DPP10: variants seen among roughly 807,000 people sequenced by gnomAD.
The protein encoded by DPP10 is dipeptidyl peptidase like 10, also known as inactive dipeptidyl peptidase 10.
DPP10 carries 33 observed loss-of-function variants against 120.9 expected under a neutral mutation model. The ratio of observed to expected loss-of-function variants is 0.27; its 90% CI spans 0.21 to 0.37. The LOEUF (loss-of-function observed/expected upper bound fraction) is 0.37, where lower values mean the gene tolerates loss of function less well. DPP10 is among the 10% of genes least tolerant of loss of function. DPP10 has a pLI of 1.00. For synonymous variants in DPP10, 337 were observed against 326.1 expected (o/e 1.03, Z -0.36); for missense variants, 816 against 942.8 (o/e 0.87, Z 1.76).
At chr2:114,448,543 T>G (rs1290423277) in intron 1 of DPP10, among the ~76,000 whole-genome samples, 4 of 152,122 alleles carry the variant, frequency 2.6e-5, no homozygotes, top group Non-Finnish European at 5.9e-5. Flanking sequence ...AAATGCAAAT[T>G]CTTGGACTCT....
At chr2:114,770,032 A>G (rs1373343089) in intron 1 of DPP10, among the ~76,000 whole-genome samples, 2 of 152,208 alleles carry the variant, frequency 1.3e-5, no homozygotes, top group Non-Finnish European at 2.9e-5. Context: ...AACATGAACA[A>G]AGCCTAATCC....
At chr2:115,011,666 C>T (rs1368668115) in intron 1 of DPP10, among the ~76,000 whole-genome samples, 3 of 152,020 alleles carry the variant, frequency 2.0e-5, no homozygotes, top group Non-Finnish European at 1.5e-5. Flanking sequence ...AGATAGGAGA[C>T]AGGACTAGCC....
chr2:114,995,919 A>C (rs1322214080), intron 1 of DPP10, among the ~76,000 whole-genome samples: 1 of 152,224 alleles, frequency 6.6e-6, no homozygotes, highest in Non-Finnish European at 1.5e-5. Flanking sequence ...AGGTATAACC[A>C]GATAAAGACA....
At chr2:115,379,728 G>A (rs1049161793) in intron 3 of DPP10, among the ~76,000 whole-genome samples, 16 of 152,100 alleles carry the variant, frequency 1.1e-4, no homozygotes, top group Middle Eastern at 3.4e-3. Context: ...CTTTGAATGC[G>A]TCCCAGAGAT....
At chr2:114,714,371 A>T (rs572297471) in intron 1 of DPP10, among the ~76,000 whole-genome samples, 8 of 152,340 alleles carry the variant, frequency 5.3e-5, no homozygotes, top group African/African-American at 1.9e-4. Flanking sequence ...TACCTTGGAA[A>T]TAGATAATCA....
chr2:115,467,700 C>T (rs1248355278), intron 3 of DPP10, among the ~76,000 whole-genome samples: 1 of 152,100 alleles, frequency 6.6e-6, no homozygotes, highest in Non-Finnish European at 1.5e-5. Flanking sequence ...GAGTACAAGG[C>T]ATCTGGAATT....
rs548395526 is a variant in DPP10 at position 114,667,059 on chromosome 2, G to A, written c.60+224221G>A. On this transcript the variant is annotated intron_variant, in intron 1 of 25. Coordinates refer to ENST00000410059, the MANE Select transcript of DPP10 (RefSeq NM_020868.6). ...CATACTTTGCCTTTGTAGCGTGAGA[G>A]TAGCCATAGACACTATGCAAATGTG... 2.5e-4 allele frequency among the ~76,000 whole-genome samples: 38 copies of A among 152,332 alleles called. No homozygotes were observed. In the South Asian group the frequency reaches 6.4e-3, roughly 26 times the overall value.
At chr2:115,669,782 G>A (rs1203923830) in intron 5 of DPP10, among the ~76,000 whole-genome samples, 2 of 152,080 alleles carry the variant, frequency 1.3e-5, no homozygotes, top group Non-Finnish European at 2.9e-5. Context: ...TGCCACCATA[G>A]CATAATCAAG....
intron 1 of DPP10, among the ~76,000 whole-genome samples, chr2:114,514,090 A>G (rs575147226): frequency 1.3e-5 from 2 of 152,314 alleles, no homozygotes; most frequent in East Asian, 3.9e-4. Context: ...GTTTTCTAGA[A>G]AACCTCAAAT....
chr2:114,508,415 T>G (rs1683858669), intron 1 of DPP10, among the ~76,000 whole-genome samples: 1 of 152,228 alleles, frequency 6.6e-6, no homozygotes, highest in East Asian at 1.9e-4. Flanking sequence ...TCATGTTAAG[T>G]GTAATAATAT....
intron 1 of DPP10, among the ~76,000 whole-genome samples, chr2:115,258,670 G>A (rs1318610119): frequency 3.3e-5 from 5 of 152,152 alleles, no homozygotes; most frequent in Non-Finnish European, 7.3e-5. Flanking sequence ...CACATTGGGA[G>A]GCTGAGATGG....
intron 1 of DPP10, among the ~76,000 whole-genome samples, chr2:115,284,467 T>G (rs193047923): frequency 6.6e-6 from 1 of 151,868 alleles, no homozygotes; most frequent in Admixed American, 6.6e-5. Flanking sequence ...TGTCAAACTT[T>G]TAAGCATCAA....
chr2:114,651,691 C>A (rs1696596866), intron 1 of DPP10, among the ~76,000 whole-genome samples: 1 of 151,950 alleles, frequency 6.6e-6, no homozygotes, highest in African/African-American at 2.4e-5. Flanking sequence ...CTAGACAAAT[C>A]AAGATCTCTG....
chr2:114,963,947 A>G (rs921295802), intron 1 of DPP10, among the ~76,000 whole-genome samples: 6 of 152,206 alleles, frequency 3.9e-5, no homozygotes, highest in East Asian at 3.9e-4. Flanking sequence ...AAGATTTTAT[A>G]AAAGCATTTT....
chr2:114,597,061 CACTTA>C (rs1366072652), intron 1 of DPP10, among the ~76,000 whole-genome samples: 1 of 151,894 alleles, frequency 6.6e-6, no homozygotes. Context: ...AAGTGTTTAC[CACTTA>C]ACTAAAGGTG....
intron 5 of DPP10, among the ~76,000 whole-genome samples, chr2:115,576,555 G>T (rs1266781124): frequency 1.3e-5 from 2 of 152,132 alleles, no homozygotes; most frequent in African/African-American, 4.8e-5. Context: ...GACTCCAGTT[G>T]AATTTGTCAG....
rs1286165792 is a variant in DPP10, at chr2:115,845,102, A to T, written c.*2757A>T. 1 of 152,194 alleles carries T rather than the reference A, an allele frequency of 6.6e-6. No homozygotes were observed. Among genetic ancestry groups the T allele is most frequent in the African/African-American group, 2.4e-5 (1 of 41,444 alleles). The allele number at this position is 152,194 out of a possible 1,614,324, so 9.4% of individuals were successfully genotyped here. ...GGTGACTTAGACATTGGGCTTTACCATATTAGAGAATTACTTAAGCCATTG... is the reference window on the plus strand; with the variant it reads ...GGTGACTTAGACATTGGGCTTTACCTTATTAGAGAATTACTTAAGCCATTG... On this transcript the variant is annotated 3_prime_UTR_variant, in exon 26 of 26. Coordinates refer to ENST00000410059, the MANE Select transcript of DPP10 (RefSeq NM_020868.6).
chr2:115,314,161 TTA>T (rs2106055689), intron 2 of DPP10, among the ~76,000 whole-genome samples: 1 of 152,280 alleles, frequency 6.6e-6, no homozygotes, highest in South Asian at 2.1e-4. Flanking sequence ...GGTGCATATT[TTA>T]TGAGTCAGAA....
At chr2:115,044,515 C>T (rs759048881) in intron 1 of DPP10, among the ~76,000 whole-genome samples, 3 of 152,050 alleles carry the variant, frequency 2.0e-5, no homozygotes, top group Non-Finnish European at 4.4e-5. Context: ...CCAGATCTTA[C>T]AAGAGCTCTA....
Sources: allele counts gnomAD v4.1 joint callset (sites outside exome capture counted in the v4.1 genomes callset), GRCh38; gene constraint gnomAD v4.1.1; transcripts MANE v1.5; gene names NCBI Gene and HGNC (gene_info 2026-07-23, HGNC 2026-07-21).